Variants in CDIN1 observed in about 807,000 individuals in gnomAD.
CDIN1 encodes the protein CDAN1-interacting nuclease 1.
A neutral mutation model predicts 45.3 loss-of-function variants in CDIN1; 33 were observed. The ratio of observed to expected loss-of-function variants is 0.73; its 90% CI spans 0.55 to 0.97. The LOEUF is 0.97. CDIN1 is among the 50% of genes least tolerant of loss of function. The probability of loss-of-function intolerance (pLI) is 0.00; values close to 1 mark genes in which losing one functional copy is unlikely to be tolerated. For missense variants in CDIN1, 303 were observed against 339.4 expected (o/e 0.89, Z 0.84); for synonymous variants, 118 against 124.4 (o/e 0.95, Z 0.34).
chr15:36,759,483 T>A (rs1052253093), intron 10 of CDIN1, among the ~76,000 whole-genome samples: 1 of 152,146 alleles, frequency 6.6e-6, no homozygotes, highest in Non-Finnish European at 1.5e-5. Flanking sequence ...GAAGAAAGTC[T>A]TTTAATTTCT....
intron 10 of CDIN1, among the ~76,000 whole-genome samples, chr15:36,796,737 A>G (rs1270991050): frequency 6.6e-6 from 1 of 152,184 alleles, no homozygotes; most frequent in Non-Finnish European, 1.5e-5. Flanking sequence ...TTAACTCCCT[A>G]AACAGAGCAT....
chr15:36,734,223 C>G (rs114299811), intron 10 of CDIN1: 3,011 of 235,042 alleles, frequency 0.013, 109 homozygotes, highest in African/African-American at 0.063. Flanking sequence ...TAAAAGGAGT[C>G]CTTTTACCCA....
intron 10 of CDIN1, among the ~76,000 whole-genome samples, chr15:36,739,209 T>C (rs534886127): frequency 6.6e-6 from 1 of 152,228 alleles, no homozygotes; most frequent in African/African-American, 2.4e-5. Context: ...CTGGGCAACA[T>C]AGCAAGACCC....
In CDIN1 at chr15:36,772,179, A is replaced by C. The variant is rs185834034; in HGVS notation, c.717-36145A>C. ...CCCTTATCCACAATTCTGAAATCCC[A>C]AAAAGCTATGAAAACTGTATTTTTT... On this transcript the variant is annotated intron_variant, in intron 10 of 10. Transcript: ENST00000566621. Among the ~76,000 whole-genome samples, 8 of 152,288 alleles carry C rather than the reference A, an allele frequency of 5.3e-5. No individual in the cohort carries two copies. In the East Asian group the frequency reaches 1.5e-3, roughly 29 times the overall value.
intron 1 of CDIN1, among the ~76,000 whole-genome samples, chr15:36,599,673 T>A (rs1236441036): frequency 6.6e-6 from 1 of 152,180 alleles, no homozygotes; most frequent in Non-Finnish European, 1.5e-5. Flanking sequence ...ATTGCACTAT[T>A]TGTATTATAG....
chr15:36,808,251 G>A (rs1369181915), intron 10 of CDIN1, 73 bp from the exon 11 acceptor site: 1 of 1,575,044 alleles, frequency 6.3e-7, no homozygotes, highest in Non-Finnish European at 8.6e-7. Context: ...CATCTTATCA[G>A]TGCCCCAAGG....
chr15:36,750,514 T>A (rs1248134818), intron 10 of CDIN1, among the ~76,000 whole-genome samples: 1 of 152,002 alleles, frequency 6.6e-6, no homozygotes. Context: ...CAAGGATGGG[T>A]TTGATTCCTT....
intron 5 of CDIN1, among the ~76,000 whole-genome samples, chr15:36,682,267 A>T (rs2041876822): frequency 6.6e-6 from 1 of 152,286 alleles, no homozygotes; most frequent in Middle Eastern, 3.4e-3. Context: ...AGACACAGGA[A>T]GAGCCAAGGT....
intron 1 of CDIN1, among the ~76,000 whole-genome samples, chr15:36,592,299 T>C (rs565091017): frequency 3.5e-4 from 54 of 152,292 alleles, no homozygotes; most frequent in African/African-American, 1.2e-3. Flanking sequence ...CTCACATTGG[T>C]AGCTTAAAAT....
chr15:36,809,082 A>T lies in CDIN1; in HGVS notation c.*629A>T, dbSNP rs992984173. On this transcript the variant is annotated 3_prime_UTR_variant, in exon 11 of 11. Transcript: ENST00000566621. ...TTTACGGCTTCCTGACTTCTGTGAC[A>T]GTAAGCCAAGTGCAAAAATACACTT... 5.5e-6 allele frequency: 2 copies of T among 365,644 alleles called. No individual in the cohort carries two copies. Among genetic ancestry groups the T allele is most frequent in the Admixed American group, 3.5e-5 (1 of 28,730 alleles). 22.6% of individuals were successfully genotyped at this position (365,644 alleles called of 1,614,324 possible). A position where few individuals can be genotyped will look rare whatever the true frequency, so the allele number is the denominator to read the frequency against.
Position 36,800,234 on chromosome 15 carries a change from A to AGAT in CDIN1, c.717-8089_717-8087dup, listed in dbSNP as rs556310147. Among the ~76,000 whole-genome samples the AGAT allele has an allele frequency of 5.3e-5, 8 of 152,332 alleles. No individual in the cohort carries two copies. In the South Asian group the frequency reaches 1.7e-3, roughly 32 times the overall value. On this transcript the variant is annotated intron_variant, in intron 10 of 10. Transcript: ENST00000566621. ...TGCACTTTTCATAGCCAACATGCAT[A>AGAT]GATTGAGTGAGAATACTCATAACTA...
At chr15:36,739,032 G>C (rs1170899333) in intron 10 of CDIN1, among the ~76,000 whole-genome samples, 2 of 152,232 alleles carry the variant, frequency 1.3e-5, no homozygotes, top group Non-Finnish European at 2.9e-5. Context: ...GACTTGGAAG[G>C]AATGTTACAA....
chr15:36,604,668 C>A (rs2038277673), intron 1 of CDIN1, among the ~76,000 whole-genome samples: 1 of 151,818 alleles, frequency 6.6e-6, no homozygotes, highest in South Asian at 2.1e-4. Flanking sequence ...TAGTAAAACT[C>A]CTTTAAAAAA....
chr15:36,755,892 A>G (rs1328152241), intron 10 of CDIN1: 1 of 313,012 alleles, frequency 3.2e-6, no homozygotes, highest in Non-Finnish European at 6.3e-6. Flanking sequence ...TTCAGGGTTG[A>G]ATATAGAATG....
intron 3 of CDIN1, among the ~76,000 whole-genome samples, chr15:36,653,190 G>C (rs1290621464): frequency 1.1e-4 from 16 of 152,114 alleles, no homozygotes; most frequent in Non-Finnish European, 1.5e-5. Context: ...AAGATGTACA[G>C]GGTATTCCTC....
intron 10 of CDIN1, among the ~76,000 whole-genome samples, chr15:36,720,498 G>C (rs1439842505): frequency 7.1e-6 from 1 of 141,564 alleles, no homozygotes; most frequent in African/African-American, 2.6e-5. Context: ...CCATTGTTCA[G>C]TTCCCACCTA....
chr15:36,772,286 C>A (rs1433238648), intron 10 of CDIN1, among the ~76,000 whole-genome samples: 3 of 152,108 alleles, frequency 2.0e-5, no homozygotes, highest in Non-Finnish European at 4.4e-5. Context: ...GCTTTACTTA[C>A]TTTACTTGGC....
chr15:36,751,052 A>G (rs1387307602), intron 10 of CDIN1, among the ~76,000 whole-genome samples: 1 of 151,848 alleles, frequency 6.6e-6, no homozygotes, highest in East Asian at 1.9e-4. Flanking sequence ...ACAACCTTCT[A>G]ACATTTAGAC....
chr15:36,617,808 C>T (rs1595750554), intron 1 of CDIN1: 4 of 806,500 alleles, frequency 5.0e-6, no homozygotes, highest in African/African-American at 3.4e-5. Flanking sequence ...TGGTATATCA[C>T]TTTCCAGTCA....
Sources: gnomAD v4.1 joint callset for allele counts (sites outside exome capture counted in the v4.1 genomes callset) on GRCh38, gnomAD v4.1.1 for gene constraint, MANE v1.5 for transcripts, NCBI Gene and HGNC (gene_info 2026-07-23, HGNC 2026-07-21) for gene names.